AKT2: variants seen among roughly 807,000 people sequenced by gnomAD.
The protein encoded by AKT2 is RAC-beta serine/threonine-protein kinase.
AKT2 carries 16 observed loss-of-function variants against 58.6 expected under a neutral mutation model. The ratio of observed to expected loss-of-function variants is 0.27; its 90% CI spans 0.18 to 0.41. AKT2 has a LOEUF of 0.41. AKT2 is among the 10% of genes least tolerant of loss of function. The pLI is 1.00. For missense variants in AKT2, 438 were observed against 661.0 expected, an observed-to-expected ratio of 0.66 and a Z score of 3.70; for synonymous variants, 253 against 254.0, an observed-to-expected ratio of 1.00 and a Z score of 0.04.
rs2077493741 is a variant in AKT2 at position 40,285,212 on chromosome 19, G to C, written c.-116C>G. The C allele has an allele frequency of 5.1e-6, 2 of 394,994 alleles. No individual in the cohort carries two copies. The highest frequency in any genetic ancestry group is 2.5e-4 in the South Asian group (2 of 7,844). The allele number at this position is 394,994 out of a possible 1,614,324, so 24.5% of individuals were successfully genotyped here. On this transcript the variant is annotated 5_prime_UTR_variant, in exon 1 of 14. Coordinates refer to ENST00000392038, the MANE Select transcript of AKT2 (RefSeq NM_001626.6). The stretch of plus-strand genomic sequence containing the variant: ...CCGGCAGCCGCCCAGCCTCTCCGGC[G>C]GGGCTCTACCCCCGCCCATCGCCAC...
intron 2 of AKT2, among the ~76,000 whole-genome samples, chr19:40,261,346 A>G (rs78036157): frequency 0.12 from 18,272 of 152,136 alleles, 1,583 homozygotes; most frequent in African/African-American, 0.24. Context: ...CAGCCTGGCC[A>G]ACATGGTGAA....
chr19:40,260,370 G>T lies in AKT2; in HGVS notation c.47-3316C>A, dbSNP rs374944210. Reference sequence around the variant, plus strand: ...CCCGAGGCCGGGCTTGGTGGCTCACGCCTGTAATCCCAGCACTTTGGGAGG... The same window carrying T: ...CCCGAGGCCGGGCTTGGTGGCTCACTCCTGTAATCCCAGCACTTTGGGAGG... On this transcript the variant is annotated intron_variant, in intron 2 of 13. Coordinates refer to ENST00000392038, the MANE Select transcript of AKT2 (RefSeq NM_001626.6). 1.9e-3 allele frequency among the ~76,000 whole-genome samples: 295 copies of T among 151,340 alleles called. 1 individual carries two copies. The highest frequency in any genetic ancestry group is 6.8e-3 in the African/African-American group (282 of 41,268).
At chr19:40,254,870 T>C (rs2145290969) in intron 4 of AKT2, among the ~76,000 whole-genome samples, 1 of 150,734 alleles carries the variant, frequency 6.6e-6, no homozygotes, top group East Asian at 1.9e-4. Flanking sequence ...TCCCTGACCC[T>C]GGGCAGATCT....
chr19:40,235,456 G>A lies in AKT2; in HGVS notation c.1176-106C>T, dbSNP rs986724297. The A allele has an allele frequency of 9.9e-7, 1 of 1,009,646 alleles. No individual in the cohort carries two copies. The allele number at this position is 1,009,646 out of a possible 1,614,324, so 62.5% of individuals were successfully genotyped here. On this transcript the variant is annotated intron_variant, in intron 11 of 13. Coordinates refer to ENST00000392038, the MANE Select transcript of AKT2 (RefSeq NM_001626.6). The surrounding 1 kb of genome is among the most constrained non-coding windows in gnomAD (Gnocchi z 6.3). The stretch of plus-strand genomic sequence containing the variant: ...GTATGGCCCTTAATGATTCTGTCTT[G>A]ACCACAAACCACTTCACAGAGGAGG...
At chr19:40,265,508 T>C in intron 1 of AKT2, 157 bp from the exon 2 acceptor site, 1 of 997,906 alleles carries the variant, frequency 1.0e-6, no homozygotes, top group Non-Finnish European at 1.4e-6. Flanking sequence ...AAGGACCCAT[T>C]CTGAGCAGAG....
intron 1 of AKT2, among the ~76,000 whole-genome samples, chr19:40,266,744 A>G (rs1976384487): frequency 6.6e-6 from 1 of 152,232 alleles, no homozygotes; most frequent in Admixed American, 6.5e-5. Context: ...TAGGAGTTTG[A>G]GACCTGCCTG....
intron 4 of AKT2, among the ~76,000 whole-genome samples, chr19:40,249,620 G>A (rs968695595): frequency 2.0e-5 from 3 of 152,238 alleles, no homozygotes; most frequent in Non-Finnish European, 4.4e-5. Context: ...TCACCTCCCC[G>A]ACCTAGAGGG....
intron 1 of AKT2, among the ~76,000 whole-genome samples, chr19:40,267,287 G>A (rs1428163170): frequency 2.6e-5 from 4 of 152,146 alleles, no homozygotes; most frequent in Admixed American, 6.5e-5. Context: ...GCTGCCCTGC[G>A]TTCCAGGTGC....
chr19:40,231,825 A>G lies in AKT2; in HGVS notation c.*2047T>C, dbSNP rs1413899005. ...AAACGCTCAGGAGCTCCCAGGTGAC[A>G]GCAACCACGCCACCATGAACACACC... On this transcript the variant is annotated 3_prime_UTR_variant, in exon 14 of 14. Transcript: ENST00000392038. 2 of 233,626 alleles carry G rather than the reference A, an allele frequency of 8.6e-6. No individual in the cohort carries two copies. The highest frequency in any genetic ancestry group is 1.7e-5 in the Non-Finnish European group (2 of 118,420). The allele number at this position is 233,626 out of a possible 1,614,324, so 14.5% of individuals were successfully genotyped here. A position where few individuals can be genotyped will look rare whatever the true frequency, so the allele number is the denominator to read the frequency against.
rs543205030 is a variant in AKT2, at chr19:40,282,881, G to T, written c.-85+2300C>A. On this transcript the variant is annotated intron_variant, in intron 1 of 13. Coordinates refer to ENST00000392038, the MANE Select transcript of AKT2 (RefSeq NM_001626.6). The stretch of plus-strand genomic sequence containing the variant: ...TCCTCCAGTTTCTCCTTGACAAGAC[G>T]ATCTGAGGCCAAGGTTGGCCAAGGG... The T allele has an allele frequency of 6.8e-4, 126 of 185,378 alleles. 1 individual carries two copies. The highest frequency in any genetic ancestry group is 1.5e-3 in the South Asian group (18 of 11,682). 11.5% of individuals were successfully genotyped at this position (185,378 alleles called of 1,614,324 possible). A position where few individuals can be genotyped will look rare whatever the true frequency, so the allele number is the denominator to read the frequency against.
chr19:40,279,316 G>C (rs1346298032), intron 1 of AKT2: 1 of 152,570 alleles, frequency 6.6e-6, no homozygotes, highest in South Asian at 2.1e-4. Flanking sequence ...CCCACCCAGC[G>C]CCCCTCCCAC....
Position 40,238,947 on chromosome 19 carries a change from G to A in AKT2, c.666C>T (p.His222=), listed in dbSNP as rs199761368. ...ACTCCATCACAAAGCACAGGCGGTC[G>A]TGGGTCTGGAAGGCATACTTCAGCG... is the stretch of plus-strand genomic sequence containing the variant. ...LTALKYAFQT[H]DRLCFVMEYA... is the part of the protein sequence containing the mutation. The change falls in exon 8 of 14, where the codon CAC becomes CAT. Residue 222 remains histidine, a synonymous_variant. Coordinates refer to ENST00000392038, the MANE Select transcript of AKT2 (RefSeq NM_001626.6). This position sits in a 1 kb window ranked among gnomAD's most constrained non-coding sequence, Gnocchi z 5.1. 1.1e-3 allele frequency: 1,826 copies of A among 1,614,030 alleles called. 24 individuals carry two copies. The South Asian group carries it at 0.018, about 16-fold the overall frequency.
rs1187100095 is a variant in AKT2, at chr19:40,232,978, C to A, written c.*894G>T. 1 of 194,750 alleles carries A rather than the reference C, an allele frequency of 5.1e-6. No individual in the cohort carries two copies. The highest frequency in any genetic ancestry group is 1.0e-5 in the Non-Finnish European group (1 of 96,112). The allele number at this position is 194,750 out of a possible 1,614,324, so 12.1% of individuals were successfully genotyped here. A position where few individuals can be genotyped will look rare whatever the true frequency, so the allele number is the denominator to read the frequency against. The stretch of plus-strand genomic sequence containing the variant: ...CCAAGTCCATGGGGCCCAATACTGT[C>A]CGGTGTAAGATTGTAACAGCCAAGG... On this transcript the variant is annotated 3_prime_UTR_variant, in exon 14 of 14. Transcript: ENST00000392038.
At chr19:40,275,764 T>TGGC (rs1453536072) in intron 1 of AKT2, among the ~76,000 whole-genome samples, 2 of 4,740 alleles carry the variant, frequency 4.2e-4, no homozygotes, top group South Asian at 0.01. Context: ...TTTGGGAGGC[T>TGGC]GGGGGGGGGG....
In AKT2 at chr19:40,233,465, C is replaced by T. The variant is rs955741297; in HGVS notation, c.*407G>A. On this transcript the variant is annotated 3_prime_UTR_variant, in exon 14 of 14. Transcript: ENST00000392038. The surrounding 1 kb of genome is among the most constrained non-coding windows in gnomAD (Gnocchi z 4.3). ...GGCAGCACCACTGTCTGCCGGGTGT[C>T]GCGTCCCACCAGAAGGCAGCCTTCG... is the stretch of plus-strand genomic sequence containing the variant. 11 of 531,354 alleles carry T rather than the reference C, an allele frequency of 2.1e-5. No individual in the cohort carries two copies. The highest frequency in any genetic ancestry group is 6.9e-5 in the East Asian group (2 of 29,028). The allele number at this position is 531,354 out of a possible 1,614,324, so 32.9% of individuals were successfully genotyped here. A position where few individuals can be genotyped will look rare whatever the true frequency, so the allele number is the denominator to read the frequency against.
chr19:40,282,347 A>T (rs778291753), intron 1 of AKT2: 34 of 392,260 alleles, frequency 8.7e-5, no homozygotes, highest in Non-Finnish European at 1.7e-4. Context: ...GCAGAGCTAG[A>T]ACCGACTTCA....
At chr19:40,239,013 G>A (rs757601812) in intron 7 of AKT2, 40 bp from the exon 8 acceptor site, 8 of 1,597,680 alleles carry the variant, frequency 5.0e-6, no homozygotes, top group Admixed American at 3.3e-5. Flanking sequence ...TGGGAGGGAG[G>A]AGGGCTCTGC....
chr19:40,284,674 G>C (rs2077481110), intron 1 of AKT2: 3 of 152,370 alleles, frequency 2.0e-5, no homozygotes, highest in Admixed American at 2.0e-4. Flanking sequence ...CTCTGATTTG[G>C]GTTCCCCTAC....
chr19:40,241,829 A>C, intron 6 of AKT2, 109 bp downstream of exon 6: 1 of 1,502,790 alleles, frequency 6.7e-7, no homozygotes, highest in South Asian at 1.2e-5. Flanking sequence ...TTTGTGGGGG[A>C]AATAAGCCCA....
Sources: gnomAD v4.1 joint callset for allele counts (sites outside exome capture counted in the v4.1 genomes callset) on GRCh38, gnomAD v4.1.1 for gene constraint, Gnocchi (gnomAD v3.1) non-coding constraint, MANE v1.5 for transcripts, NCBI Gene and HGNC (gene_info 2026-07-23, HGNC 2026-07-21) for gene names.